The following RYR1 variants were observed in gnomAD, a reference collection of about 807,000 sequenced individuals.
The protein encoded by RYR1 is ryanodine receptor 1.
RYR1 carries 342 observed loss-of-function variants against 583.5 expected under a neutral mutation model. The observed-to-expected ratio is 0.59, with a 90% confidence interval of 0.54 to 0.64. The LOEUF (loss-of-function observed/expected upper bound fraction) is 0.64, where lower values mean the gene tolerates loss of function less well. Ranked by LOEUF, RYR1 falls within the 30% of genes least tolerant of loss-of-function variation. The pLI is 0.00. For missense variants in RYR1, 6,032 were observed against 6,917.2 expected (o/e 0.87, Z 4.54); for synonymous variants, 2,791 against 2,822.5 (o/e 0.99, Z 0.35).
rs760100731 is a variant in RYR1 at position 38,512,531 on chromosome 19, A to G, written c.9472+48A>G. On this transcript the variant is annotated intron_variant, in intron 63 of 105. Transcript: ENST00000359596. This position sits in a 1 kb window ranked among gnomAD's most constrained non-coding sequence, Gnocchi z 5.1. Reference sequence around the variant, plus strand: ...CAGGTTGCGGGGAGTCAGTGTGGCCAACACCACCCATCCGGGTGCCTGTGA... The same window carrying G: ...CAGGTTGCGGGGAGTCAGTGTGGCCGACACCACCCATCCGGGTGCCTGTGA... 3 of 1,545,402 alleles carry G rather than the reference A, an allele frequency of 1.9e-6. No homozygotes were observed. The South Asian group carries it at 3.3e-5, about 17-fold the overall frequency.
At chr19:38,475,586 T>C (rs1568472567) in intron 29 of RYR1, 136 bp downstream of exon 29, 1 of 1,098,960 alleles carries the variant, frequency 9.1e-7, no homozygotes. Context: ...TAGAAACTCA[T>C]AAAATATGGC....
intron 31 of RYR1, among the ~76,000 whole-genome samples, chr19:38,479,095 G>A (rs1012930881): frequency 1.3e-5 from 2 of 152,164 alleles, no homozygotes; most frequent in Admixed American, 6.6e-5. Flanking sequence ...TTGGAAAGAG[G>A]TTTCTGTTCC....
rs780734850 is a variant in RYR1 at position 38,453,065 on chromosome 19, C to T, written c.1440+51C>T. ...GGGCCTGTGGGCCCAGGGGGCGGGA[C>T]CACTGAGGGGCGGGGCCACGGCGCT... On this transcript the variant is annotated intron_variant, in intron 13 of 105. Transcript: ENST00000359596. 4.4e-6 allele frequency: 7 copies of T among 1,590,834 alleles called. No individual in the cohort carries two copies. In the South Asian group the frequency reaches 6.7e-5, roughly 15 times the overall value.
rs768718943 is a variant in RYR1 at position 38,458,130 on chromosome 19, G to A, written c.2005G>A (p.Glu669Lys). The A allele has an allele frequency of 1.4e-5, 22 of 1,613,892 alleles. No individual in the cohort carries two copies. Among genetic ancestry groups the A allele is most frequent in the Admixed American group, 5.0e-5 (3 of 60,010 alleles). Residue 669 changes from glutamate (E) to lysine (K), a missense_variant, in exon 18 of 106, where the codon GAG becomes AAG. Transcript: ENST00000359596. Reference protein sequence around the residue: ...SKWYFEVMVDEVTPFLTAQAT... With the variant: ...SKWYFEVMVDKVTPFLTAQAT... ...ATGGTACTTTGAGGTGATGGTGGAC[G>A]AGGTGACTCCATTTCTGACAGCTCA...
At chr19:38,495,319 A>G (rs935624268) in intron 39 of RYR1, among the ~76,000 whole-genome samples, 4 of 152,098 alleles carry the variant, frequency 2.6e-5, no homozygotes, top group Non-Finnish European at 2.9e-5. Context: ...CACAGTAAAC[A>G]TTTATTAAGC....
intron 63 of RYR1, among the ~76,000 whole-genome samples, chr19:38,513,214 A>G (rs1039610071): frequency 6.6e-5 from 10 of 152,004 alleles, no homozygotes; most frequent in African/African-American, 2.4e-4. Context: ...GTGGTCGCCT[A>G]TAATCCTAGC....
At chr19:38,502,449 GT>G (rs879710685) in intron 47 of RYR1, 57 bp from the exon 48 acceptor site, 28 of 1,500,496 alleles carry the variant, frequency 1.9e-5, no homozygotes, top group Admixed American at 3.7e-5. Flanking sequence ...CTCAAGACAG[GT>G]GCCAGAGCAG....
rs1316726339 is a variant in RYR1, at chr19:38,458,062, A to G, written c.1937A>G (p.Asn646Ser). The part of the protein sequence containing the change: ...LINYVTSIRP[N>S]IFVGRAEGTT... ...CATCTCTCCTGCAGCATCCGCCCCA[A>G]CATCTTTGTGGGCCGAGCGGAAGGC... Residue 646 changes from asparagine (N) to serine (S), a missense_variant, in exon 18 of 106, where the codon AAC becomes AGC. Transcript: ENST00000359596. 3 of 1,613,562 alleles carry G rather than the reference A, an allele frequency of 1.9e-6. No individual in the cohort carries two copies. Among genetic ancestry groups the G allele is most frequent in the Non-Finnish European group, 2.5e-6 (3 of 1,180,004 alleles).
intron 28 of RYR1, 51 bp from the exon 29 acceptor site, chr19:38,475,267 A>T (rs1377323866): frequency 1.9e-6 from 3 of 1,550,034 alleles, no homozygotes; most frequent in Admixed American, 3.9e-5. Flanking sequence ...TTGCGGTGGG[A>T]GGGCTGGGCT....
At position 38,463,155 on chromosome 19, in the gene RYR1, C is replaced by CCCA. The variant is rs71165551; in HGVS notation, c.2578-268_2578-267insCCA. ...TCAGGCGATCTGCCCCCCCCCCCCC[C>CCCA]ACTTAGCCTCCCAAAGTGCTGGGAT... On this transcript the variant is annotated intron_variant, in intron 20 of 105. Transcript: ENST00000359596. 5.6e-3 allele frequency among the ~76,000 whole-genome samples: 464 copies of CCCA among 82,612 alleles called. 37 individuals are homozygous for CCCA. The highest frequency in any genetic ancestry group is 0.022 in the African/African-American group (449 of 20,624). 54.2% of individuals were successfully genotyped at this position (82,612 alleles called of 152,430 possible).
chr19:38,486,760 A>C (rs1216180862), intron 34 of RYR1, among the ~76,000 whole-genome samples: 1 of 151,948 alleles, frequency 6.6e-6, no homozygotes, highest in African/African-American at 2.4e-5. Flanking sequence ...CTATTCATCT[A>C]TCCAACCAAC....
intron 96 of RYR1, among the ~76,000 whole-genome samples, chr19:38,574,922 C>T (rs1973888806): frequency 6.6e-6 from 1 of 151,674 alleles, no homozygotes; most frequent in Non-Finnish European, 1.5e-5. Context: ...TGCCTGTAGT[C>T]ACAGCTACTC....
rs1051206491 is a variant in RYR1 at position 38,565,541 on chromosome 19, G to A, written c.13207G>A (p.Ala4403Thr). 161 of 1,500,440 alleles carry A rather than the reference G, an allele frequency of 1.1e-4. No individual in the cohort carries two copies. Among genetic ancestry groups the A allele is most frequent in the Non-Finnish European group, 1.3e-4 (144 of 1,132,194 alleles). The allele number at this position is 1,500,440 out of a possible 1,614,324, so 92.9% of individuals were successfully genotyped here. ...GEQPAGPGGDADGEGASEGAG... is the reference protein window; with the variant it reads ...GEQPAGPGGDTDGEGASEGAG... ...GCAGCCGGCCGGGCCGGGCGGAGACGCAGACGGCGAGGGTGCCAGCGAGGG... is the reference window on the plus strand; with the variant it reads ...GCAGCCGGCCGGGCCGGGCGGAGACACAGACGGCGAGGGTGCCAGCGAGGG... The change falls in exon 91 of 106, where the codon GCA becomes ACA. Residue 4403 changes from alanine (A) to threonine (T), a missense_variant. This residue lies in a region of RYR1 where 753 missense variants were observed against 759.6 expected (regional missense o/e 0.99). Coordinates refer to ENST00000359596, the MANE Select transcript of RYR1 (RefSeq NM_000540.3). This position sits in a 1 kb window ranked among gnomAD's most constrained non-coding sequence, Gnocchi z 4.7.
chr19:38,438,839 C>T (rs1354432108), intron 1 of RYR1, among the ~76,000 whole-genome samples: 2 of 151,832 alleles, frequency 1.3e-5, no homozygotes, highest in Non-Finnish European at 2.9e-5. Flanking sequence ...AGGATGGTCT[C>T]GATCCTCTGA....
chr19:38,458,756 C>A (rs988787624), intron 18 of RYR1, among the ~76,000 whole-genome samples: 1 of 152,152 alleles, frequency 6.6e-6, no homozygotes, highest in African/African-American at 2.4e-5. Context: ...TCCTGAGTAG[C>A]TGGGATTACA....
chr19:38,477,900 CAGGG>C, intron 30 of RYR1, 30 bp downstream of exon 30: 1 of 1,436,352 alleles, frequency 7.0e-7, no homozygotes, highest in Non-Finnish European at 9.7e-7. Flanking sequence ...GTGGGAGGTG[CAGGG>C]TGGGGAGGGC....
chr19:38,460,087 CCTCT>C (rs887157343), intron 19 of RYR1, among the ~76,000 whole-genome samples: 1 of 152,196 alleles, frequency 6.6e-6, no homozygotes, highest in Non-Finnish European at 1.5e-5. Flanking sequence ...CCTGGGGTCT[CCTCT>C]GAAGGACTGT....
At position 38,499,569 on chromosome 19, in the gene RYR1, T is replaced by G; in HGVS notation, c.7028-66T>G. The G allele has an allele frequency of 6.4e-7, 1 of 1,556,512 alleles. No homozygotes were observed. Among genetic ancestry groups the G allele is most frequent in the Non-Finnish European group, 8.7e-7 (1 of 1,148,208 alleles). On this transcript the variant is annotated intron_variant, in intron 43 of 105. Transcript: ENST00000359596. This position sits in a 1 kb window ranked among gnomAD's most constrained non-coding sequence, Gnocchi z 7.3. The stretch of plus-strand genomic sequence containing the variant: ...TGTTACCCCTGGAGGTGTTGGGTCC[T>G]GGGGCTGCATGGGGAGGTCTCTGAT...
rs370382374 is a variant in RYR1 at position 38,506,799 on chromosome 19, A to T, written c.8693-30A>T. 3 of 1,613,792 alleles carry T rather than the reference A, an allele frequency of 1.9e-6. 1 individual carries two copies. The highest frequency in any genetic ancestry group is 2.5e-6 in the Non-Finnish European group (3 of 1,180,024). ...TGAGAGTGGCCCGGGTCTTCCCCAG[A>T]GCCCTGATTTCTGGTCTTTGCCTCC... On this transcript the variant is annotated intron_variant, in intron 56 of 105. Coordinates refer to ENST00000359596, the MANE Select transcript of RYR1 (RefSeq NM_000540.3).
Sources: gnomAD v4.1 joint callset for allele counts (sites outside exome capture counted in the v4.1 genomes callset) on GRCh38, gnomAD v4.1.1 for gene constraint, gnomAD v4.1.1 regional missense constraint, Gnocchi (gnomAD v3.1) non-coding constraint, MANE v1.5 for transcripts, NCBI Gene and HGNC (gene_info 2026-07-23, HGNC 2026-07-21) for gene names.